CDH8: variants seen among roughly 807,000 people sequenced by gnomAD.
CDH8 encodes cadherin 8, also known as cadherin-8.
A neutral mutation model predicts 68.1 loss-of-function variants in CDH8; 17 were observed. The ratio of observed to expected loss-of-function variants is 0.25; its 90% CI spans 0.17 to 0.37. The LOEUF is 0.37. Ranked by LOEUF, CDH8 falls within the 10% of genes least tolerant of loss-of-function variation. The pLI, the probability that CDH8 is intolerant of heterozygous loss-of-function variation, is 1.00. For missense variants in CDH8, 763 were observed against 999.3 expected (o/e 0.76, Z 3.19); for synonymous variants, 372 against 365.1 (o/e 1.02, Z -0.21).
At chr16:61,693,605 G>A (rs1356953191) in intron 10 of CDH8, 4 of 152,096 alleles carry the variant, frequency 2.6e-5, no homozygotes, top group Admixed American at 2.6e-4. Context: ...AGGGATAGGA[G>A]ACAGTAAAAT....
intron 8 of CDH8, among the ~76,000 whole-genome samples, chr16:61,746,429 A>T (rs1960022351): frequency 6.6e-6 from 1 of 151,816 alleles, no homozygotes; most frequent in Non-Finnish European, 1.5e-5. Context: ...CTGGTATCTG[A>T]GTTCCTTAGT....
intron 10 of CDH8, among the ~76,000 whole-genome samples, chr16:61,676,250 A>G (rs763134560): frequency 9.9e-5 from 15 of 151,002 alleles, no homozygotes; most frequent in Non-Finnish European, 1.9e-4. Flanking sequence ...ATATACAACT[A>G]GAAAATTCTA....
intron 2 of CDH8, among the ~76,000 whole-genome samples, chr16:61,986,970 G>A (rs1226092598): frequency 6.6e-6 from 1 of 152,116 alleles, no homozygotes; most frequent in Admixed American, 6.6e-5. Flanking sequence ...CAACAATAAT[G>A]GAAAAACAAT....
chr16:61,832,531 G>C (rs923010709), intron 4 of CDH8, among the ~76,000 whole-genome samples: 3 of 151,722 alleles, frequency 2.0e-5, no homozygotes, highest in African/African-American at 7.3e-5. Context: ...CTGATCAAGT[G>C]AATCAGCAAT....
At chr16:61,735,788 G>T (rs1270254803) in intron 8 of CDH8, among the ~76,000 whole-genome samples, 1 of 151,894 alleles carries the variant, frequency 6.6e-6, no homozygotes, top group Non-Finnish European at 1.5e-5. Flanking sequence ...GTATAGAAAG[G>T]TGGAGGCCAG....
chr16:61,675,977 T>C (rs1467820788), intron 10 of CDH8, among the ~76,000 whole-genome samples: 1 of 150,654 alleles, frequency 6.6e-6, no homozygotes, highest in Non-Finnish European at 1.5e-5. Flanking sequence ...AAGAAGACAG[T>C]TTAAGATAAA....
At chr16:61,996,689 A>C (rs527953942) in intron 2 of CDH8, among the ~76,000 whole-genome samples, 41 of 152,306 alleles carry the variant, frequency 2.7e-4, no homozygotes, top group African/African-American at 9.9e-4. Context: ...AAATTATATT[A>C]TATCAATCAG....
At chr16:61,931,752 A>G (rs911723859) in intron 2 of CDH8, among the ~76,000 whole-genome samples, 4 of 152,190 alleles carry the variant, frequency 2.6e-5, no homozygotes, top group African/African-American at 9.6e-5. Flanking sequence ...CAAAAATGCT[A>G]CCCACAGTTA....
chr16:61,659,974 A>G (rs1052931743), intron 10 of CDH8, among the ~76,000 whole-genome samples: 1 of 152,182 alleles, frequency 6.6e-6, no homozygotes, highest in Admixed American at 6.5e-5. Flanking sequence ...GTGGAATTCA[A>G]CAGCTAGACA....
chr16:61,727,463 T>C (rs1959408585), intron 8 of CDH8, among the ~76,000 whole-genome samples: 1 of 151,120 alleles, frequency 6.6e-6, no homozygotes, highest in Non-Finnish European at 1.5e-5. Flanking sequence ...TCTGAATAAA[T>C]TAAAAGAGGT....
At chr16:61,854,728 TA>T (rs955142426) in intron 4 of CDH8, among the ~76,000 whole-genome samples, 1 of 152,130 alleles carries the variant, frequency 6.6e-6, no homozygotes, top group Non-Finnish European at 1.5e-5. Context: ...GTTTTTCTAA[TA>T]AAAAATGTTA....
Position 61,653,052 on chromosome 16 carries a change from T to G in CDH8, c.*556A>C. The G allele has an allele frequency of 7.2e-7, 1 of 1,380,350 alleles. No individual in the cohort carries two copies. Among genetic ancestry groups the G allele is most frequent in the Non-Finnish European group, 9.4e-7 (1 of 1,068,686 alleles). The allele number at this position is 1,380,350 out of a possible 1,614,324, so 85.5% of individuals were successfully genotyped here. On this transcript the variant is annotated 3_prime_UTR_variant, in exon 12 of 12. Transcript: ENST00000577390. ...GTCTCTAGTGAGTGGGGCCAACAAT[T>G]ATGTACAATGTGTGGTCACCGTACT...
intron 4 of CDH8, among the ~76,000 whole-genome samples, chr16:61,842,597 A>G (rs889083963): frequency 8.5e-5 from 13 of 152,210 alleles, no homozygotes; most frequent in African/African-American, 3.1e-4. Context: ...CAGAAATTCT[A>G]TATGAAAACA....
At chr16:61,964,711 CT>C (rs1020755758) in intron 2 of CDH8, among the ~76,000 whole-genome samples, 3 of 152,252 alleles carry the variant, frequency 2.0e-5, no homozygotes, top group African/African-American at 7.2e-5. Flanking sequence ...TCATCTGGTG[CT>C]GTCCCTCTCT....
At chr16:61,743,217 CCCTACGTTCT>C (rs1352102707) in intron 8 of CDH8, 1 of 152,136 alleles carries the variant, frequency 6.6e-6, no homozygotes, top group African/African-American at 2.4e-5. Context: ...AGCTCGACTA[CCCTACGTTCT>C]CCTACAAATG....
chr16:61,718,158 G>T (rs1298900392), intron 9 of CDH8, among the ~76,000 whole-genome samples: 3 of 151,194 alleles, frequency 2.0e-5, no homozygotes, highest in Non-Finnish European at 4.4e-5. Flanking sequence ...TGTTAAATTG[G>T]GGCTTAGACC....
At chr16:61,744,170 T>A (rs1425874456) in intron 8 of CDH8, among the ~76,000 whole-genome samples, 1 of 152,142 alleles carries the variant, frequency 6.6e-6, no homozygotes, top group Non-Finnish European at 1.5e-5. Flanking sequence ...TTAATCACGA[T>A]ATTCAAATGT....
rs572538334 is a variant in CDH8 at position 61,659,017 on chromosome 16, A to G, written c.1655-3296T>C. Among the ~76,000 whole-genome samples, 387 of 152,202 alleles carry G rather than the reference A, an allele frequency of 2.5e-3. 2 individuals carry two copies. Among genetic ancestry groups the G allele is most frequent in the African/African-American group, 9.0e-3 (375 of 41,552 alleles). ...TTACCTTTTTAAAAATATATTTTCA[A>G]CTCACTGCTGCTGGTATATAAAATT... On this transcript the variant is annotated intron_variant, in intron 10 of 11. Transcript: ENST00000577390.
intron 2 of CDH8, among the ~76,000 whole-genome samples, chr16:61,926,524 A>G (rs1052594500): frequency 1.3e-5 from 2 of 152,136 alleles, no homozygotes; most frequent in Non-Finnish European, 2.9e-5. Context: ...GATGAAAACC[A>G]TTAGGTGGTA....
Sources: gnomAD v4.1 joint callset for allele counts (sites outside exome capture counted in the v4.1 genomes callset) on GRCh38, gnomAD v4.1.1 for gene constraint, MANE v1.5 for transcripts, NCBI Gene and HGNC (gene_info 2026-07-23, HGNC 2026-07-21) for gene names.